The following CDON variants were observed in gnomAD, a reference collection of about 807,000 sequenced individuals.
CDON encodes the protein cell adhesion molecule-related/down-regulated by oncogenes.
A neutral mutation model predicts 120.9 loss-of-function variants in CDON; 73 were observed. That is an observed-to-expected ratio of 0.60 (90% confidence interval 0.50 to 0.73). CDON has a LOEUF of 0.73. Among genes scored for constraint, CDON ranks in the 30% least tolerant of loss-of-function variants. The pLI, the probability that CDON is intolerant of heterozygous loss-of-function variation, is 0.00. For synonymous variants in CDON, 566 were observed against 573.5 expected (o/e 0.99, Z 0.19); for missense variants, 1,470 against 1,587.3 (o/e 0.93, Z 1.26).
chr11:126,024,551 G>A (rs1265118298), intron 1 of CDON, among the ~76,000 whole-genome samples: 3 of 152,094 alleles, frequency 2.0e-5, no homozygotes, highest in African/African-American at 7.2e-5. Flanking sequence ...CCTGTTTACT[G>A]AAATGGGGAA....
chr11:125,981,164 G>A lies in CDON; in HGVS notation c.3161C>T (p.Pro1054Leu), dbSNP rs749930010. The change falls in exon 17 of 20, where the codon CCC (proline) becomes CTC (leucine). Residue 1054 changes from proline (P) to leucine (L), a missense_variant. By Grantham distance (98) the Pro-to-Leu change is moderately conservative. Transcript: ENST00000531738. ...ATTCACAATTCCATTGACTGCATTG[G>A]GGACCTTATGGTGAAGGTGGGAATA... ...SGYSHLHHKV[P>L]NAVNGIVNGS... 2 of 1,614,112 alleles carry A rather than the reference G, an allele frequency of 1.2e-6. No individual in the cohort carries two copies. The highest frequency in any genetic ancestry group is 2.2e-5 in the East Asian group (1 of 44,878).
intron 11 of CDON, among the ~76,000 whole-genome samples, chr11:126,000,970 G>T (rs1423840432): frequency 6.6e-6 from 1 of 152,114 alleles, no homozygotes; most frequent in East Asian, 1.9e-4. Flanking sequence ...TACTAAAAAA[G>T]TCTTTTGAAA....
At chr11:125,981,970 CTTTTTTTTTTTTTTTTT>C (rs61446837) in intron 16 of CDON, among the ~76,000 whole-genome samples, 8 of 54,290 alleles carry the variant, frequency 1.5e-4, no homozygotes, top group East Asian at 6.1e-4. Flanking sequence ...ATTCTATTTT[CTTTTTTTTTTTTTTTTT>C]TTTTTTTTTT....
At chr11:126,055,019 T>A (rs1228522956) in intron 1 of CDON, among the ~76,000 whole-genome samples, 1 of 152,172 alleles carries the variant, frequency 6.6e-6, no homozygotes, top group African/African-American at 2.4e-5. Context: ...GACCTGGGCT[T>A]CAACAAGTGA....
At chr11:126,035,623 C>T (rs1044506984) in intron 1 of CDON, among the ~76,000 whole-genome samples, 2 of 152,062 alleles carry the variant, frequency 1.3e-5, no homozygotes, top group Non-Finnish European at 2.9e-5. Flanking sequence ...GATTACTATG[C>T]AGTTAGTACA....
rs1488977470 is a variant in CDON, at chr11:125,983,791, G to GTT, written c.2995+79_2995+80dup. The GTT allele has an allele frequency of 2.9e-5, 29 of 1,007,250 alleles. No individual in the cohort carries two copies. In the Admixed American group the frequency reaches 5.6e-4, roughly 19 times the overall value. The allele number at this position is 1,007,250 out of a possible 1,614,324, so 62.4% of individuals were successfully genotyped here. ...TACCATGACACTAATATACAACAGT[G>GTT]TTAGAAATCAATATTTATTCTGACA... On this transcript the variant is annotated intron_variant, in intron 16 of 19. Coordinates refer to ENST00000531738, the MANE Select transcript of CDON (RefSeq NM_001378964.1).
intron 16 of CDON, 38 bp from the exon 17 acceptor site, chr11:125,981,367 C>A (rs1263939135): frequency 1.3e-6 from 2 of 1,592,322 alleles, no homozygotes; most frequent in East Asian, 4.5e-5. Context: ...CACGCACACA[C>A]ACACACGCAC....
intron 1 of CDON, among the ~76,000 whole-genome samples, chr11:126,046,470 AAAG>A (rs1948409059): frequency 6.6e-6 from 1 of 151,872 alleles, no homozygotes; most frequent in South Asian, 2.1e-4. Flanking sequence ...CTGTGGGGTC[AAAG>A]AAAAGAATGA....
At chr11:125,995,401 T>C (rs147762699) in intron 12 of CDON, among the ~76,000 whole-genome samples, 1 of 152,284 alleles carries the variant, frequency 6.6e-6, no homozygotes, top group African/African-American at 2.4e-5. Flanking sequence ...GTCATACCCA[T>C]CAATGACAGT....
intron 18 of CDON, among the ~76,000 whole-genome samples, chr11:125,974,382 A>AGGGAGGGAGGGAGGG (rs1946092578): frequency 2.9e-5 from 1 of 34,636 alleles, no homozygotes; most frequent in African/African-American, 1.3e-4. Context: ...GGAAGGAAGG[A>AGGGAGGGAGGGAGGG]AGGAAGGAAG....
intron 1 of CDON, among the ~76,000 whole-genome samples, chr11:126,048,167 C>G (rs1033248709): frequency 6.6e-6 from 1 of 151,140 alleles, no homozygotes; most frequent in African/African-American, 2.4e-5. Flanking sequence ...GTCCCAGCTA[C>G]TCTAATTGGG....
Position 126,021,424 on chromosome 11 carries a change from C to A in CDON, c.173G>T (p.Arg58Leu), listed in dbSNP as rs377281257. The change falls in exon 3 of 20, where the codon CGT becomes CTT. Residue 58 changes from arginine (R) to leucine (L), a missense_variant. By Grantham distance (102) the Arg-to-Leu change is moderately radical. Transcript: ENST00000531738. ...TTTTCCGTTATGCAGCCATGAGATA[C>A]GAGTGGTCACAGGTTGAGCAGAACA... ...LHCSAQPVTT[R>L]ISWLHNGKTL... 6.2e-7 allele frequency: 1 copy of A among 1,614,056 alleles called. No homozygotes were observed.
rs745989935 is a variant in CDON at position 125,981,303 on chromosome 11, G to T, written c.3022C>A (p.Gln1008Lys). 8.7e-6 allele frequency: 14 copies of T among 1,613,792 alleles called. No homozygotes were observed. Among genetic ancestry groups the T allele is most frequent in the Middle Eastern group, 3.3e-4 (2 of 6,062 alleles). Reference protein sequence around the residue: ...QKYDPPGYLYQGSDMNGQMVD... With the variant: ...QKYDPPGYLYKGSDMNGQMVD... ...ATCTGCCCGTTCATATCTGATCCTT[G>T]GTAGAGATATCCTGGTGGGTCATAT... Residue 1008 changes from glutamine to lysine, a missense_variant, in exon 17 of 20, where the codon CAA becomes AAA. Physicochemically the swap from Gln to Lys is moderately conservative, Grantham distance 53 (BLOSUM62 1). Transcript: ENST00000531738.
At chr11:125,992,935 C>T (rs1257445481) in intron 14 of CDON, among the ~76,000 whole-genome samples, 1 of 152,200 alleles carries the variant, frequency 6.6e-6, no homozygotes, top group Non-Finnish European at 1.5e-5. Flanking sequence ...CCTCCCAAAG[C>T]AAGAATCCCT....
rs181955829 is a variant in CDON at position 125,989,931 on chromosome 11, A to G, written c.2651-172T>C. Reference sequence around the variant, plus strand: ...TTTGACTAATGCACCACAGATAAACAGCATTTCTATTACACGGCATGAAAA... The same window carrying G: ...TTTGACTAATGCACCACAGATAAACGGCATTTCTATTACACGGCATGAAAA... On this transcript the variant is annotated intron_variant, in intron 14 of 19. Coordinates refer to ENST00000531738, the MANE Select transcript of CDON (RefSeq NM_001378964.1). Among the ~76,000 whole-genome samples, 6 of 152,374 alleles carry G rather than the reference A, an allele frequency of 3.9e-5. No individual in the cohort carries two copies. The East Asian group carries it at 1.2e-3, about 29-fold the overall frequency.
chr11:125,999,026 G>T (rs1026688885), intron 11 of CDON, among the ~76,000 whole-genome samples: 1 of 152,142 alleles, frequency 6.6e-6, no homozygotes, highest in African/African-American at 2.4e-5. Flanking sequence ...GTTGAATGTG[G>T]TATTTGTATG....
chr11:126,043,669 G>A (rs907755926), intron 1 of CDON, among the ~76,000 whole-genome samples: 15 of 152,288 alleles, frequency 9.8e-5, no homozygotes, highest in Middle Eastern at 3.4e-3. Context: ...TGCACCCAGG[G>A]CAACCCCAGG....
At chr11:125,994,250 CTT>C (rs1565511580) in intron 14 of CDON, 32 bp downstream of exon 14, 1 of 1,133,320 alleles carries the variant, frequency 8.8e-7, no homozygotes, top group Non-Finnish European at 1.3e-6. Flanking sequence ...TCCAAAGCGC[CTT>C]TACAGGGACT....
At chr11:126,003,403 A>C (rs573333199) in intron 10 of CDON, among the ~76,000 whole-genome samples, 1 of 152,298 alleles carries the variant, frequency 6.6e-6, no homozygotes, top group South Asian at 2.1e-4. Context: ...ATAAGCTTTC[A>C]AAAACATCTG....
Sources: gnomAD v4.1 joint callset for allele counts (sites outside exome capture counted in the v4.1 genomes callset) on GRCh38, gnomAD v4.1.1 for gene constraint, MANE v1.5 for transcripts, NCBI Gene and HGNC (gene_info 2026-07-23, HGNC 2026-07-21) for gene names.